The following SEC63 variants were observed in gnomAD, a reference collection of about 807,000 sequenced individuals.
SEC63 encodes the protein translocation protein SEC63 homolog.
In SEC63, 56 loss-of-function variants were observed where a neutral mutation model predicts 116.2. The observed-to-expected ratio is 0.48, with a 90% CI of 0.39 to 0.60. The LOEUF (loss-of-function observed/expected upper bound fraction) is 0.60, where lower values mean the gene tolerates loss of function less well. SEC63 is among the 20% of genes least tolerant of loss of function. SEC63 has a pLI of 0.00. For missense variants in SEC63, 668 were observed against 900.0 expected, an observed-to-expected ratio of 0.74 and a Z score of 3.30; for synonymous variants, 273 against 294.6, an observed-to-expected ratio of 0.93 and a Z score of 0.75.
chr6:107,925,037 C>T lies in SEC63; in HGVS notation c.225-105G>A, dbSNP rs1562331835. 4 of 731,418 alleles carry T rather than the reference C, an allele frequency of 5.5e-6. No homozygotes were observed. The East Asian group carries it at 7.7e-5, about 14-fold the overall frequency. 45.3% of individuals were successfully genotyped at this position (731,418 alleles called of 1,614,324 possible). ...AAAACTCTACAGTAGTACCATATCA[C>T]TATGCTACTGACTCAAATTCTACAA... is the stretch of plus-strand genomic sequence containing the variant. On this transcript the variant is annotated intron_variant, in intron 2 of 20. Coordinates refer to ENST00000369002, the MANE Select transcript of SEC63 (RefSeq NM_007214.5).
intron 4 of SEC63, among the ~76,000 whole-genome samples, chr6:107,918,323 G>A (rs1232751828): frequency 6.6e-6 from 1 of 152,084 alleles, no homozygotes; most frequent in African/African-American, 2.4e-5. Context: ...CTCTGATGGA[G>A]CTGTACAAAC....
At chr6:107,947,314 A>G (rs1770498079) in intron 1 of SEC63, among the ~76,000 whole-genome samples, 1 of 152,020 alleles carries the variant, frequency 6.6e-6, no homozygotes, top group African/African-American at 2.4e-5. Flanking sequence ...AAACAAAACA[A>G]AAAACAAAAA....
chr6:107,927,853 C>T (rs781516954), intron 2 of SEC63, among the ~76,000 whole-genome samples: 1 of 152,126 alleles, frequency 6.6e-6, no homozygotes, highest in Non-Finnish European at 1.5e-5. Flanking sequence ...ACTGATATTA[C>T]CTAATATAAT....
At position 107,900,055 on chromosome 6, in the gene SEC63, CT is replaced by C. The variant is rs1562321185; in HGVS notation, c.1357+1314del. ...GAGGGTATGTCTTACCACTGCTTCCCTAGCACCTAGAGGAGTGCACAGCATT... is the reference window on the plus strand; with the variant it reads ...GAGGGTATGTCTTACCACTGCTTCCCAGCACCTAGAGGAGTGCACAGCATT... On this transcript the variant is annotated intron_variant, in intron 13 of 20. Transcript: ENST00000369002. Among the ~76,000 whole-genome samples the C allele has an allele frequency of 3.3e-5, 5 of 152,262 alleles. No individual in the cohort carries two copies. The South Asian group carries it at 1.0e-3, about 32-fold the overall frequency.
intron 8 of SEC63, among the ~76,000 whole-genome samples, chr6:107,908,479 T>C (rs1787201138): frequency 6.6e-6 from 1 of 152,178 alleles, no homozygotes; most frequent in African/African-American, 2.4e-5. Flanking sequence ...CCAGACTGCC[T>C]GGGTTCAATC....
chr6:107,876,187 A>T (rs1193278020), intron 19 of SEC63, among the ~76,000 whole-genome samples: 1 of 152,240 alleles, frequency 6.6e-6, no homozygotes, highest in African/African-American at 2.4e-5. Flanking sequence ...CACTCAAGAA[A>T]TCCACATCAT....
chr6:107,871,902 A>C, intron 20 of SEC63, 55 bp from the exon 21 acceptor site: 1 of 1,578,460 alleles, frequency 6.3e-7, no homozygotes, highest in Non-Finnish European at 8.7e-7. Context: ...ATAATGGAAG[A>C]AATCTTGGTA....
chr6:107,949,150 G>A (rs1354328888), intron 1 of SEC63, among the ~76,000 whole-genome samples: 1 of 152,192 alleles, frequency 6.6e-6, no homozygotes, highest in African/African-American at 2.4e-5. Flanking sequence ...AGAATTATTA[G>A]TTTATGCTTT....
intron 1 of SEC63, among the ~76,000 whole-genome samples, chr6:107,935,477 A>C (rs1645336100): frequency 6.6e-6 from 1 of 150,584 alleles, no homozygotes; most frequent in Non-Finnish European, 1.5e-5. Flanking sequence ...GATCCTGTTG[A>C]TCGGTGACCT....
intron 3 of SEC63, among the ~76,000 whole-genome samples, chr6:107,924,358 C>T (rs909247483): frequency 3.3e-5 from 5 of 151,332 alleles, no homozygotes; most frequent in Non-Finnish European, 7.4e-5. Flanking sequence ...GTGGGCAGAT[C>T]ACAAGGTCAG....
Position 107,925,093 on chromosome 6 carries a change from C to A in SEC63, c.225-161G>T, listed in dbSNP as rs551516860. ...GGGTTACAAACTCCTGTTACAGCAA[C>A]GACAGTGTCTTTTTTACCTCTGCAT... On this transcript the variant is annotated intron_variant, in intron 2 of 20. Transcript: ENST00000369002. Among the ~76,000 whole-genome samples the A allele has an allele frequency of 2.0e-5, 3 of 152,298 alleles. No individual in the cohort carries two copies. In the East Asian group the frequency reaches 5.8e-4, roughly 29 times the overall value.
chr6:107,957,291 G>A (rs985729888), intron 1 of SEC63: 2 of 152,196 alleles, frequency 1.3e-5, no homozygotes, highest in Non-Finnish European at 1.5e-5. Context: ...TTTTTGCTAA[G>A]AGGAATAACG....
chr6:107,935,839 T>C (rs1770235305), intron 1 of SEC63, among the ~76,000 whole-genome samples: 1 of 151,980 alleles, frequency 6.6e-6, no homozygotes, highest in South Asian at 2.1e-4. Context: ...CAATTAAATG[T>C]TATGTGATTC....
intron 16 of SEC63, among the ~76,000 whole-genome samples, chr6:107,886,508 TCCA>T (rs1046505768): frequency 1.3e-5 from 2 of 152,198 alleles, no homozygotes; most frequent in African/African-American, 4.8e-5. Flanking sequence ...CCACATCCTC[TCCA>T]CCATCTGTTG....
At position 107,904,995 on chromosome 6, in the gene SEC63, C is replaced by T. The variant is rs191716143; in HGVS notation, c.962-274G>A. Among the ~76,000 whole-genome samples, 11 of 152,186 alleles carry T rather than the reference C, an allele frequency of 7.2e-5. No homozygotes were observed. In the East Asian group the frequency reaches 1.9e-3, roughly 27 times the overall value. ...ACTCCCAGCTGGGCATGGTGGCTCA[C>T]GCCTATAATCCCAGCACTTTGGGAG... On this transcript the variant is annotated intron_variant, in intron 10 of 20. Coordinates refer to ENST00000369002, the MANE Select transcript of SEC63 (RefSeq NM_007214.5).
At chr6:107,882,551 A>G (rs940746142) in intron 17 of SEC63, among the ~76,000 whole-genome samples, 1 of 152,010 alleles carries the variant, frequency 6.6e-6, no homozygotes, top group Non-Finnish European at 1.5e-5. Context: ...CCCTTAACCA[A>G]CCTCTTGACA....
chr6:107,880,971 A>G (rs1420395245), intron 18 of SEC63, 178 bp downstream of exon 18: 1 of 564,614 alleles, frequency 1.8e-6, no homozygotes, highest in Non-Finnish European at 3.2e-6. Flanking sequence ...TATAAGCAAC[A>G]CGTTCACTAA....
chr6:107,957,121 C>T (rs1770725827), intron 1 of SEC63: 1 of 152,122 alleles, frequency 6.6e-6, no homozygotes, highest in Non-Finnish European at 1.5e-5. Context: ...TGCTTTAATT[C>T]GATGTTGTTT....
At chr6:107,948,224 G>A (rs898603730) in intron 1 of SEC63, among the ~76,000 whole-genome samples, 7 of 151,934 alleles carry the variant, frequency 4.6e-5, no homozygotes, top group African/African-American at 1.5e-4. Flanking sequence ...AACACATATC[G>A]TAATGTGTTA....
Sources: gnomAD v4.1 joint callset for allele counts (sites outside exome capture counted in the v4.1 genomes callset) on GRCh38, gnomAD v4.1.1 for gene constraint, MANE v1.5 for transcripts, NCBI Gene and HGNC (gene_info 2026-07-23, HGNC 2026-07-21) for gene names.